Variants in SSUH2 observed in about 807,000 individuals in gnomAD.
SSUH2 encodes protein SSUH2 homolog.
Under a neutral mutation model 55.3 loss-of-function variants are expected in SSUH2, and 47 were observed. The ratio of observed to expected loss-of-function variants is 0.85; its 90% CI spans 0.67 to 1.08. The LOEUF (loss-of-function observed/expected upper bound fraction) is 1.08. Among genes scored for constraint, SSUH2 ranks in the 50% least tolerant of loss-of-function variants. The pLI, the probability that SSUH2 is intolerant of heterozygous loss-of-function variation, is 0.00. For missense variants in SSUH2, 535 were observed against 490.7 expected, an observed-to-expected ratio of 1.09 and a Z score of -0.85; for synonymous variants, 212 against 191.5, an observed-to-expected ratio of 1.11 and a Z score of -0.89.
At chr3:8,626,091 A>C in intron 9 of SSUH2, 138 bp downstream of exon 9, 3 of 703,958 alleles carry the variant, frequency 4.3e-6, no homozygotes, top group Non-Finnish European at 7.7e-6. Flanking sequence ...TTCCAAGGGA[A>C]TTCTCCCCCT....
chr3:8,649,551 T>C (rs376968177), upstream of SSUH2, among the ~76,000 whole-genome samples: 69 of 152,278 alleles, frequency 4.5e-4, no homozygotes, highest in African/African-American at 1.6e-3. Context: ...CCCTCAGTTG[T>C]CTAACAGACA....
intron 6 of SSUH2, among the ~76,000 whole-genome samples, chr3:8,661,305 CCAA>C (rs1359748588): frequency 6.6e-6 from 1 of 152,178 alleles, no homozygotes; most frequent in African/African-American, 2.4e-5. Context: ...CAAGCCATGC[CCAA>C]CAACTGTCTT....
intron 1 of SSUH2, 51 bp from the exon 2 acceptor site, chr3:8,635,908 T>G (rs1460569703): frequency 3.4e-6 from 5 of 1,472,868 alleles, no homozygotes; most frequent in Admixed American, 4.1e-5. Context: ...CGAGGGCTGA[T>G]GAGGGCTTCA....
chr3:8,656,735 G>C (rs1435366548), intron 7 of SSUH2, among the ~76,000 whole-genome samples: 47 of 152,320 alleles, frequency 3.1e-4, no homozygotes, highest in Non-Finnish European at 4.4e-5. Flanking sequence ...GGCACAGGGA[G>C]GAAGTGACTT....
At chr3:8,676,785 TG>T (rs1038701626) in intron 3 of SSUH2, among the ~76,000 whole-genome samples, 3 of 146,754 alleles carry the variant, frequency 2.0e-5, no homozygotes, top group Admixed American at 6.6e-5. Flanking sequence ...CTCATCGCAG[TG>T]GGGGGAGGCA....
chr3:8,649,769 T>C (rs1351320708), upstream of SSUH2, among the ~76,000 whole-genome samples: 1 of 152,098 alleles, frequency 6.6e-6, no homozygotes. Context: ...CTCCTATCTG[T>C]TGCCCTCGCC....
In SSUH2 at chr3:8,623,779, C is replaced by T. The variant is rs750402320; in HGVS notation, c.874-123G>A. On this transcript the variant is annotated intron_variant, in intron 10 of 11. Coordinates refer to ENST00000544814, the MANE Select transcript of SSUH2 (RefSeq NM_001256748.3). ...AGAAGGGGGCTGAGAGAGGGACCCA[C>T]GGTGTGGTCTCAGGAATTTCAAAAA... is the stretch of plus-strand genomic sequence containing the variant. The T allele has an allele frequency of 3.9e-5, 23 of 585,568 alleles. No homozygotes were observed. The East Asian group carries it at 4.1e-4, about 10-fold the overall frequency. The allele number at this position is 585,568 out of a possible 1,614,324, so 36.3% of individuals were successfully genotyped here.
At chr3:8,662,215 G>A (rs1274254323) in intron 6 of SSUH2, among the ~76,000 whole-genome samples, 2 of 152,226 alleles carry the variant, frequency 1.3e-5, no homozygotes, top group Non-Finnish European at 2.9e-5. Context: ...ACAAAAGGCA[G>A]ACAGTGCCTC....
chr3:8,647,123 G>A (rs1182592628), upstream of SSUH2, among the ~76,000 whole-genome samples: 1 of 152,174 alleles, frequency 6.6e-6, no homozygotes, highest in Non-Finnish European at 1.5e-5. Context: ...GCTTTAGAAG[G>A]GAATCAAGGA....
intron 7 of SSUH2, among the ~76,000 whole-genome samples, chr3:8,654,825 T>C (rs1032716994): frequency 1.4e-5 from 2 of 145,516 alleles, no homozygotes; most frequent in African/African-American, 5.1e-5. Flanking sequence ...AGGTGGCCTC[T>C]TCCCCCAAAT....
intron 3 of SSUH2, among the ~76,000 whole-genome samples, chr3:8,673,274 G>A (rs1704819686): frequency 6.6e-6 from 1 of 151,956 alleles, no homozygotes; most frequent in African/African-American, 2.4e-5. Flanking sequence ...ACAATTACAT[G>A]ATCAGTTATT....
intron 3 of SSUH2, chr3:8,634,556 C>T (rs1020862575): frequency 1.3e-5 from 17 of 1,289,712 alleles, no homozygotes; most frequent in Admixed American, 6.9e-5. Context: ...CAGAGGGGCC[C>T]GTCTGTCTTC....
chr3:8,656,438 T>C (rs111814252), intron 7 of SSUH2, among the ~76,000 whole-genome samples: 1 of 152,244 alleles, frequency 6.6e-6, no homozygotes, highest in Admixed American at 6.5e-5. Context: ...AACCTGCTTA[T>C]GGATTGAGCG....
At chr3:8,680,743 A>C (rs138097656) in intron 1 of SSUH2, among the ~76,000 whole-genome samples, 118 of 152,150 alleles carry the variant, frequency 7.8e-4, no homozygotes, top group South Asian at 5.0e-3. Context: ...CATCTCACAC[A>C]GGGGTGTATA....
intron 2 of SSUH2, among the ~76,000 whole-genome samples, chr3:8,678,775 T>TC (rs1380549992): frequency 1.9e-5 from 2 of 102,668 alleles, no homozygotes; most frequent in African/African-American, 6.8e-5. Context: ...CAGCCCCTCT[T>TC]CCCTCCCTGC....
rs745971432 is a variant in SSUH2 at position 8,623,666 on chromosome 3, A to C, written c.874-10T>G. Reference sequence around the variant, plus strand: ...CCACGATGGGGTACACCTGGGGGAAAGAGAGAGAGACACAGACCACCTGGC... The same window carrying C: ...CCACGATGGGGTACACCTGGGGGAACGAGAGAGAGACACAGACCACCTGGC... On this transcript the variant is annotated splice_polypyrimidine_tract_variant and intron_variant, in intron 10 of 11. Coordinates refer to ENST00000544814, the MANE Select transcript of SSUH2 (RefSeq NM_001256748.3). The C allele has an allele frequency of 3.3e-5, 46 of 1,414,916 alleles. No individual in the cohort carries two copies. Among genetic ancestry groups the C allele is most frequent in the Non-Finnish European group, 4.2e-5 (44 of 1,036,836 alleles). 87.6% of individuals were successfully genotyped at this position (1,414,916 alleles called of 1,614,324 possible). A position where few individuals can be genotyped will look rare whatever the true frequency, so the allele number is the denominator to read the frequency against.
chr3:8,675,630 T>C (rs1705159224), intron 3 of SSUH2, among the ~76,000 whole-genome samples: 2 of 151,730 alleles, frequency 1.3e-5, no homozygotes, highest in South Asian at 4.2e-4. Flanking sequence ...TCTAGCGGAG[T>C]CTAAGAGCAG....
At chr3:8,626,537 G>GCCCCCCCCC (rs58662232) in intron 8 of SSUH2, among the ~76,000 whole-genome samples, 8 of 107,650 alleles carry the variant, frequency 7.4e-5, no homozygotes, top group Non-Finnish European at 9.6e-5. Flanking sequence ...TCTAGGGCCT[G>GCCCCCCCCC]CCCCCCCCCC....
chr3:8,653,235 T>C (rs1344825266), intron 7 of SSUH2, among the ~76,000 whole-genome samples: 1 of 152,256 alleles, frequency 6.6e-6, no homozygotes, highest in Non-Finnish European at 1.5e-5. Context: ...GCAGATGTCA[T>C]CTGCTCCAAA....
Sources: gnomAD v4.1 joint callset for allele counts (sites outside exome capture counted in the v4.1 genomes callset) on GRCh38, gnomAD v4.1.1 for gene constraint, MANE v1.5 for transcripts, NCBI Gene and HGNC (gene_info 2026-07-23, HGNC 2026-07-21) for gene names.